The following FAM114A1 variants were observed in gnomAD, a reference collection of about 807,000 sequenced individuals.
FAM114A1 encodes the protein family with sequence similarity 114 member A1.
FAM114A1 carries 62 observed loss-of-function variants against 64.3 expected under a neutral mutation model. The ratio of observed to expected loss-of-function variants is 0.96; its 90% CI spans 0.79 to 1.19. FAM114A1 has a LOEUF of 1.19. Among genes scored for constraint, FAM114A1 ranks in the 50% most tolerant of loss-of-function variants. The pLI, the probability that FAM114A1 is intolerant of heterozygous loss-of-function variation, is 0.00. For missense variants in FAM114A1, 645 were observed against 676.3 expected, an observed-to-expected ratio of 0.95 and a Z score of 0.51; for synonymous variants, 254 against 251.1, an observed-to-expected ratio of 1.01 and a Z score of -0.11.
At chr4:38,871,619 A>G (rs1714089480) in intron 2 of FAM114A1, among the ~76,000 whole-genome samples, 1 of 152,148 alleles carries the variant, frequency 6.6e-6, no homozygotes, top group Non-Finnish European at 1.5e-5. Flanking sequence ...ACAGCCACAG[A>G]GAGGAGTTTT....
intron 2 of FAM114A1, 24 bp from the exon 3 acceptor site, chr4:38,878,047 A>T: frequency 6.5e-7 from 1 of 1,527,224 alleles, no homozygotes; most frequent in Non-Finnish European, 8.9e-7. Context: ...TGAAAGCATG[A>T]GGTGTTTATA....
intron 12 of FAM114A1, among the ~76,000 whole-genome samples, chr4:38,932,842 T>A (rs930017788): frequency 1.3e-5 from 2 of 149,704 alleles, no homozygotes; most frequent in East Asian, 4.0e-4. Context: ...TCTACGGTCA[T>A]CTTAAGAAAT....
chr4:38,897,822 C>T (rs2109635881), intron 4 of FAM114A1, among the ~76,000 whole-genome samples: 1 of 151,936 alleles, frequency 6.6e-6, no homozygotes, highest in Admixed American at 6.6e-5. Flanking sequence ...TGACATGCCC[C>T]TGTAGTACCA....
chr4:38,877,365 A>G (rs2109539530), intron 2 of FAM114A1, among the ~76,000 whole-genome samples: 1 of 152,246 alleles, frequency 6.6e-6, no homozygotes, highest in South Asian at 2.1e-4. Flanking sequence ...CCTGGGGATG[A>G]TGGGAGACAG....
intron 8 of FAM114A1, among the ~76,000 whole-genome samples, chr4:38,917,397 T>G (rs1719172610): frequency 1.3e-5 from 2 of 151,514 alleles, no homozygotes; most frequent in South Asian, 4.2e-4. Flanking sequence ...ATGCAGAAGC[T>G]GTATGATTTT....
intron 13 of FAM114A1, among the ~76,000 whole-genome samples, chr4:38,940,187 G>C (rs563690861): frequency 6.6e-6 from 1 of 152,140 alleles, no homozygotes; most frequent in South Asian, 2.1e-4. Flanking sequence ...CACCACACCT[G>C]GCCTGCCTTT....
rs186495526 is a variant in FAM114A1 at position 38,871,745 on chromosome 4, C to T, written c.-9+3199C>T. Among the ~76,000 whole-genome samples the T allele has an allele frequency of 1.5e-4, 23 of 152,304 alleles. No individual in the cohort carries two copies. The South Asian group carries it at 3.1e-3, about 21-fold the overall frequency. Reference sequence around the variant, plus strand: ...AACTTCCCTACCAAGAGTTAAATTACCATGAATCCAAGTTCACTGATGGAA... The same window carrying T: ...AACTTCCCTACCAAGAGTTAAATTATCATGAATCCAAGTTCACTGATGGAA... On this transcript the variant is annotated intron_variant, in intron 2 of 14. Coordinates refer to ENST00000358869, the MANE Select transcript of FAM114A1 (RefSeq NM_138389.4).
At chr4:38,903,510 A>T (rs1407351928) in intron 4 of FAM114A1, among the ~76,000 whole-genome samples, 2 of 152,182 alleles carry the variant, frequency 1.3e-5, no homozygotes, top group East Asian at 3.8e-4. Flanking sequence ...AGAAATCTAG[A>T]CGAGAATCAT....
chr4:38,901,114 A>G (rs1364206153), intron 4 of FAM114A1, among the ~76,000 whole-genome samples: 3 of 152,162 alleles, frequency 2.0e-5, no homozygotes, highest in African/African-American at 7.2e-5. Context: ...AACAAGCTAA[A>G]AGGGAGAAAC....
rs1720442685 is a variant in FAM114A1, at chr4:38,929,406, C to T, written c.1161+73C>T. The T allele has an allele frequency of 2.6e-6, 3 of 1,141,386 alleles. No homozygotes were observed. The Admixed American group carries it at 5.8e-5, about 22-fold the overall frequency. The allele number at this position is 1,141,386 out of a possible 1,614,324, so 70.7% of individuals were successfully genotyped here. ...GGGGAGAGTCTCTGTTGTAAAGTTC[C>T]AGAGATGCACCTGAAATGGAAAACC... On this transcript the variant is annotated intron_variant, in intron 10 of 14. Coordinates refer to ENST00000358869, the MANE Select transcript of FAM114A1 (RefSeq NM_138389.4).
At chr4:38,896,356 C>T (rs1222568775) in intron 4 of FAM114A1, among the ~76,000 whole-genome samples, 1 of 152,164 alleles carries the variant, frequency 6.6e-6, no homozygotes, top group African/African-American at 2.4e-5. Flanking sequence ...TGAGGACATG[C>T]TGTGACTTTA....
intron 2 of FAM114A1, among the ~76,000 whole-genome samples, chr4:38,872,293 G>T (rs1277113593): frequency 2.6e-5 from 4 of 152,110 alleles, no homozygotes; most frequent in Non-Finnish European, 4.4e-5. Flanking sequence ...TAAGTAACAT[G>T]CACGTGTCAC....
intron 9 of FAM114A1, among the ~76,000 whole-genome samples, chr4:38,924,333 T>C (rs1719907905): frequency 6.6e-6 from 1 of 152,236 alleles, no homozygotes; most frequent in Non-Finnish European, 1.5e-5. Context: ...AAAGTATAAC[T>C]TTCATGTATT....
chr4:38,921,265 G>A (rs1034429356), intron 8 of FAM114A1, among the ~76,000 whole-genome samples: 3 of 152,144 alleles, frequency 2.0e-5, no homozygotes, highest in Admixed American at 1.3e-4. Context: ...GCGGCCATCT[G>A]TACAAATAAT....
chr4:38,886,486 T>C lies in FAM114A1; in HGVS notation c.349-5257T>C, dbSNP rs191673912. 6.6e-5 allele frequency among the ~76,000 whole-genome samples: 10 copies of C among 151,988 alleles called. 2 individuals carry two copies. The highest frequency in any genetic ancestry group is 2.4e-4 in the African/African-American group (10 of 41,492). On this transcript the variant is annotated intron_variant, in intron 3 of 14. Coordinates refer to ENST00000358869, the MANE Select transcript of FAM114A1 (RefSeq NM_138389.4). ...GTGCCCGGCCACTATAAGCACCTTT[T>C]TTAAGAGACAAAGAAGAAAGATGTG...
At chr4:38,877,455 C>T (rs922517355) in intron 2 of FAM114A1, among the ~76,000 whole-genome samples, 2 of 152,024 alleles carry the variant, frequency 1.3e-5, no homozygotes, top group African/African-American at 2.4e-5. Context: ...GTTCATGCTC[C>T]TATGAGAATC....
chr4:38,945,685 A>G lies in FAM114A1; in HGVS notation c.*2128A>G, dbSNP rs1301156534. 1 of 152,220 alleles carries G rather than the reference A, an allele frequency of 6.6e-6. No individual in the cohort carries two copies. Among genetic ancestry groups the G allele is most frequent in the Non-Finnish European group, 1.5e-5 (1 of 68,030 alleles). The allele number at this position is 152,220 out of a possible 1,614,324, so 9.4% of individuals were successfully genotyped here. A position where few individuals can be genotyped will look rare whatever the true frequency, so the allele number is the denominator to read the frequency against. On this transcript the variant is annotated 3_prime_UTR_variant, in exon 15 of 15. Coordinates refer to ENST00000358869, the MANE Select transcript of FAM114A1 (RefSeq NM_138389.4). ...CAAATAGAGAACATAAGAACACTTT[A>G]TGTACAATCTGGAAAAAAATTACCT... is the stretch of plus-strand genomic sequence containing the variant.
At chr4:38,916,601 T>C (rs1273532119) in intron 8 of FAM114A1, among the ~76,000 whole-genome samples, 3 of 152,038 alleles carry the variant, frequency 2.0e-5, no homozygotes, top group Non-Finnish European at 4.4e-5. Flanking sequence ...ATAAGTGAAG[T>C]TGAACAATGA....
At chr4:38,878,035 G>C (rs370198949) in intron 2 of FAM114A1, 36 bp from the exon 3 acceptor site, 1 of 1,477,220 alleles carries the variant, frequency 6.8e-7, no homozygotes, top group African/African-American at 1.4e-5. Context: ...TTAACAATTC[G>C]ATGAAAGCAT....
Sources: allele counts gnomAD v4.1 joint callset (sites outside exome capture counted in the v4.1 genomes callset), GRCh38; gene constraint gnomAD v4.1.1; transcripts MANE v1.5; gene names NCBI Gene and HGNC (gene_info 2026-07-23, HGNC 2026-07-21).